The following MMEL1 variants were observed in gnomAD, a reference collection of about 807,000 sequenced individuals.
MMEL1 encodes membrane metalloendopeptidase like 1.
In MMEL1, 98 loss-of-function variants were observed where a neutral mutation model predicts 117.1. The ratio of observed to expected loss-of-function variants is 0.84; its 90% CI spans 0.71 to 0.99. The LOEUF is 0.99. MMEL1 is among the 50% of genes least tolerant of loss of function. MMEL1 has a pLI of 0.00. For missense variants in MMEL1, 1,014 were observed against 1,049.1 expected, an observed-to-expected ratio of 0.97 and a Z score of 0.46; for synonymous variants, 390 against 415.1, an observed-to-expected ratio of 0.94 and a Z score of 0.74.
rs747538821 is a variant in MMEL1 at position 2,592,675 on chromosome 1, C to T, written c.2047G>A (p.Gly683Arg). ...TLGENIADNG[G>R]VRQAYKAYLK... ...CCCACCTTATAGGCTTGCCGCACCC[C>T]TCCGTTGTCAGCAATGTTTTCCCCA... Residue 683 changes from glycine to arginine, a missense_variant, in exon 21 of 24, where the codon GGG (glycine) becomes AGG (arginine). Transcript: ENST00000378412. The T allele has an allele frequency of 6.2e-7, 1 of 1,608,820 alleles. No homozygotes were observed. Among genetic ancestry groups the T allele is most frequent in the African/African-American group, 1.3e-5 (1 of 74,122 alleles).
Position 2,597,283 on chromosome 1 carries a change from C to G in MMEL1, c.1273-594G>C, listed in dbSNP as rs1236257607. 3.3e-5 allele frequency among the ~76,000 whole-genome samples: 5 copies of G among 152,154 alleles called. No individual in the cohort carries two copies. In the East Asian group the frequency reaches 9.7e-4, roughly 29 times the overall value. On this transcript the variant is annotated intron_variant, in intron 13 of 23. Transcript: ENST00000378412. ...AGCCCTTTCTTCCTCCCCAAAGCTCCTAGACTCAGTGCCCCCCTGACGCTT... is the reference window on the plus strand; with the variant it reads ...AGCCCTTTCTTCCTCCCCAAAGCTCGTAGACTCAGTGCCCCCCTGACGCTT...
intron 2 of MMEL1, among the ~76,000 whole-genome samples, chr1:2,625,109 C>T (rs1553146235): frequency 0.4 from 60,852 of 151,968 alleles, 12,968 homozygotes; most frequent in African/African-American, 0.53. Context: ...TGGGTGGGGA[C>T]GCAGAGCCAA....
chr1:2,606,931 C>T (rs754118036), intron 7 of MMEL1, 43 bp downstream of exon 7: 2 of 1,556,684 alleles, frequency 1.3e-6, no homozygotes, highest in Non-Finnish European at 1.8e-6. Context: ...GGTCCTGGTC[C>T]TCCTTTGTCT....
chr1:2,606,412 C>CCG, intron 7 of MMEL1, 46 bp from the exon 8 acceptor site: 1 of 1,461,552 alleles, frequency 6.8e-7, no homozygotes, highest in African/African-American at 1.4e-5. Context: ...GCCCTGGGGC[C>CCG]CCAGCCCGGC....
intron 2 of MMEL1, among the ~76,000 whole-genome samples, chr1:2,629,040 A>C (rs1361833872): frequency 1.4e-5 from 2 of 147,388 alleles, no homozygotes; most frequent in Non-Finnish European, 3.0e-5. Context: ...GCGGAGGCGG[A>C]GGCGGAGGCG....
At chr1:2,611,396 T>G in intron 3 of MMEL1, 56 bp from the exon 4 acceptor site, 1 of 996,894 alleles carries the variant, frequency 1.0e-6, no homozygotes, top group Non-Finnish European at 1.2e-6. Context: ...GGGGCAGGAC[T>G]GGAGTGGGTG....
chr1:2,597,001 C>G (rs948776124), intron 13 of MMEL1, among the ~76,000 whole-genome samples: 4 of 152,096 alleles, frequency 2.6e-5, no homozygotes, highest in Non-Finnish European at 5.9e-5. Context: ...AGGACTCCAG[C>G]CCCAGTCTCA....
At chr1:2,594,961 C>T in intron 16 of MMEL1, 68 bp from the exon 17 acceptor site, 1 of 1,388,078 alleles carries the variant, frequency 7.2e-7, no homozygotes. Flanking sequence ...GGGAGAGGTC[C>T]TGGGTGGTTG....
At chr1:2,593,766 C>T (rs748316134) in intron 19 of MMEL1, 48 bp downstream of exon 19, 4 of 1,524,412 alleles carry the variant, frequency 2.6e-6, no homozygotes, top group Non-Finnish European at 3.5e-6. Context: ...CTGGCTGCTT[C>T]TCCGCGGAGA....
chr1:2,603,345 C>T (rs1429715650), intron 11 of MMEL1, among the ~76,000 whole-genome samples: 1 of 152,176 alleles, frequency 6.6e-6, no homozygotes, highest in African/African-American at 2.4e-5. Context: ...GGGTGAGAGT[C>T]GGCTGAGGGA....
intron 2 of MMEL1, among the ~76,000 whole-genome samples, chr1:2,627,559 A>G (rs1638334269): frequency 6.6e-6 from 1 of 152,214 alleles, no homozygotes; most frequent in African/African-American, 2.4e-5. Context: ...AAGCCCAGCA[A>G]ATATCAAAGA....
At chr1:2,599,542 A>G (rs1366808026) in intron 11 of MMEL1, among the ~76,000 whole-genome samples, 2 of 152,274 alleles carry the variant, frequency 1.3e-5, no homozygotes, top group East Asian at 1.9e-4. Context: ...CCATCTATTC[A>G]TAATAAAAAC....
intron 23 of MMEL1, 72 bp downstream of exon 23, chr1:2,591,485 C>G (rs1008543198): frequency 1.7e-5 from 22 of 1,278,322 alleles, no homozygotes; most frequent in Middle Eastern, 1.9e-4. Context: ...GTGCTTTCTT[C>G]TTTTACAGGC....
At position 2,612,444 on chromosome 1, in the gene MMEL1, G is replaced by C. The variant is rs537623240; in HGVS notation, c.155-240C>G. Among the ~76,000 whole-genome samples, 9 of 152,252 alleles carry C rather than the reference G, an allele frequency of 5.9e-5. No individual in the cohort carries two copies. Among genetic ancestry groups the C allele is most frequent in the Middle Eastern group, 3.4e-3 (1 of 294 alleles). On this transcript the variant is annotated intron_variant, in intron 2 of 23. Transcript: ENST00000378412. This position sits in a 1 kb window ranked among gnomAD's most constrained non-coding sequence, Gnocchi z 5.4. ...GGGGGCGGTTTGCCCTGCCTTGCCA[G>C]CCCCACCCTTTAATTCTCCCTCCAC...
chr1:2,608,922 C>G (rs550821325), intron 6 of MMEL1, among the ~76,000 whole-genome samples: 5 of 152,038 alleles, frequency 3.3e-5, no homozygotes, highest in Non-Finnish European at 5.9e-5. Context: ...TATACACATA[C>G]ACGTATACAC....
intron 2 of MMEL1, among the ~76,000 whole-genome samples, chr1:2,619,523 T>C (rs1645257101): frequency 1.3e-5 from 2 of 152,128 alleles, no homozygotes; most frequent in Admixed American, 1.3e-4. Flanking sequence ...CCAGGCATGG[T>C]GGCGGACACC....
chr1:2,609,855 C>A, intron 4 of MMEL1, 24 bp from the exon 5 acceptor site: 1 of 1,587,966 alleles, frequency 6.3e-7, no homozygotes, highest in Non-Finnish European at 8.6e-7. Context: ...TGGCGTGGAG[C>A]AGGGAGAGGG....
At chr1:2,591,695 G>GGGGGCCCGGGGGGGGGGGGGC in intron 22 of MMEL1, 62 bp from the exon 23 acceptor site, 1 of 1,031,584 alleles carries the variant, frequency 9.7e-7, no homozygotes, top group East Asian at 2.4e-5. Flanking sequence ...AGGGGTGGGG[G>GGGGGCCCGGGGGGGGGGGGGC]AGGGTCTCCA....
At chr1:2,630,316 G>A (rs937970217) in intron 1 of MMEL1, 2 of 149,560 alleles carry the variant, frequency 1.3e-5, no homozygotes, top group African/African-American at 5.2e-5. Flanking sequence ...GTGCAAATGA[G>A]TGTGTGCATG....
Sources: gnomAD v4.1 joint callset for allele counts (sites outside exome capture counted in the v4.1 genomes callset) on GRCh38, gnomAD v4.1.1 for gene constraint, Gnocchi (gnomAD v3.1) non-coding constraint, MANE v1.5 for transcripts, NCBI Gene and HGNC (gene_info 2026-07-23, HGNC 2026-07-21) for gene names.